The following HMGB1 variants were observed in gnomAD, a reference collection of about 807,000 sequenced individuals.
The protein encoded by HMGB1 is high mobility group protein B1.
For missense variants in HMGB1, 79 were observed against 253.5 expected (o/e 0.31, Z 4.67); for synonymous variants, 81 against 84.0 (o/e 0.96, Z 0.19).
At position 30,463,368 on chromosome 13, in the gene HMGB1, T is replaced by C; in HGVS notation, c.151-16A>G. 1 of 1,587,184 alleles carries C rather than the reference T, an allele frequency of 6.3e-7. No homozygotes were observed. Among genetic ancestry groups the C allele is most frequent in the Non-Finnish European group, 8.5e-7 (1 of 1,170,034 alleles). ...CAGACATGGTCTACAAAATAATTAT[T>C]TGTAAGTTTAAGTTGTAACATTTAA... On this transcript the variant is annotated splice_polypyrimidine_tract_variant and intron_variant, in intron 2 of 4. Transcript: ENST00000341423.
At chr13:30,593,362 A>G (rs1353591807) in intron 1 of HMGB1, among the ~76,000 whole-genome samples, 1 of 152,198 alleles carries the variant, frequency 6.6e-6, no homozygotes, top group African/African-American at 2.4e-5. Context: ...TCAGGATAAC[A>G]AGAATTTGGT....
chr13:30,478,871 C>CTTTTCT (rs527964313), intron 1 of HMGB1, among the ~76,000 whole-genome samples: 6 of 126,140 alleles, frequency 4.8e-5, no homozygotes, highest in Non-Finnish European at 6.7e-5. Flanking sequence ...CTTTTCTTTT[C>CTTTTCT]TTTTTTTTTT....
At chr13:30,600,759 G>GA (rs1446436523) in intron 1 of HMGB1, among the ~76,000 whole-genome samples, 4 of 152,078 alleles carry the variant, frequency 2.6e-5, no homozygotes, top group Non-Finnish European at 4.4e-5. Context: ...TTCAAAATCT[G>GA]AAAAAACCCA....
intron 1 of HMGB1, among the ~76,000 whole-genome samples, chr13:30,538,623 C>CTCTTTCTT (rs757892291): frequency 0.049 from 4,609 of 93,420 alleles, 335 homozygotes; most frequent in African/African-American, 0.14. Flanking sequence ...CTTTCTCTCT[C>CTCTTTCTT]TCTTTCTTTT....
chr13:30,615,199 T>G (rs990204954), intron 1 of HMGB1, among the ~76,000 whole-genome samples: 1 of 152,206 alleles, frequency 6.6e-6, no homozygotes, highest in African/African-American at 2.4e-5. Context: ...TACACGTATT[T>G]TTTTCTATCC....
intron 1 of HMGB1, among the ~76,000 whole-genome samples, chr13:30,616,230 CCTTTCTCTTTACAA>C (rs1230418105): frequency 6.6e-6 from 1 of 152,204 alleles, no homozygotes; most frequent in African/African-American, 2.4e-5. Context: ...AAAATCCCTT[CCTTTCTCTTTACAA>C]CTCAAGCCCC....
chr13:30,569,384 G>A (rs1203560810), intron 1 of HMGB1, among the ~76,000 whole-genome samples: 1 of 152,044 alleles, frequency 6.6e-6, no homozygotes, highest in Non-Finnish European at 1.5e-5. Flanking sequence ...GAATTTTTGT[G>A]GGCTAAGACA....
chr13:30,575,185 G>C (rs960374679), intron 1 of HMGB1, among the ~76,000 whole-genome samples: 1 of 152,144 alleles, frequency 6.6e-6, no homozygotes, highest in African/African-American at 2.4e-5. Flanking sequence ...TATGTAGTTA[G>C]TAAAAACAAG....
At chr13:30,596,962 T>C (rs1323472794) in intron 1 of HMGB1, among the ~76,000 whole-genome samples, 2 of 152,222 alleles carry the variant, frequency 1.3e-5, no homozygotes, top group Non-Finnish European at 2.9e-5. Flanking sequence ...GGTTAGTCAG[T>C]GGACCTACAT....
chr13:30,491,746 C>A (rs1385687453), intron 1 of HMGB1, among the ~76,000 whole-genome samples: 2 of 151,602 alleles, frequency 1.3e-5, no homozygotes, highest in Non-Finnish European at 1.5e-5. Flanking sequence ...GAATGCGAGA[C>A]CTAAGGGTAC....
intron 1 of HMGB1, among the ~76,000 whole-genome samples, chr13:30,505,710 T>C (rs1039552977): frequency 6.6e-6 from 1 of 152,084 alleles, no homozygotes; most frequent in Non-Finnish European, 1.5e-5. Context: ...ACAGGGCCCA[T>C]CCCGTTTCCA....
intron 1 of HMGB1, among the ~76,000 whole-genome samples, chr13:30,525,204 T>C (rs1323734293): frequency 6.6e-6 from 1 of 152,224 alleles, no homozygotes; most frequent in East Asian, 1.9e-4. Context: ...TCTGATCATT[T>C]AAAGATAAAT....
chr13:30,614,312 C>T (rs867753727), intron 1 of HMGB1, among the ~76,000 whole-genome samples: 11 of 152,152 alleles, frequency 7.2e-5, no homozygotes, highest in Admixed American at 1.3e-4. Context: ...GGATTACACC[C>T]TTAGTAGGAA....
At chr13:30,465,193 G>GGCA (rs1555232499) in intron 1 of HMGB1, 1 of 777,662 alleles carries the variant, frequency 1.3e-6, no homozygotes, top group African/African-American at 2.1e-5. Flanking sequence ...CCCGCCGCCC[G>GGCA]GCCGCCGCCG....
intron 1 of HMGB1, among the ~76,000 whole-genome samples, chr13:30,529,976 T>A (rs1032735450): frequency 6.6e-6 from 1 of 152,096 alleles, no homozygotes. Flanking sequence ...ATGGTGGCAA[T>A]AAAGAAATGA....
At chr13:30,536,768 CTTTT>C (rs1179763879) in intron 1 of HMGB1, among the ~76,000 whole-genome samples, 3 of 152,160 alleles carry the variant, frequency 2.0e-5, no homozygotes, top group Non-Finnish European at 4.4e-5. Flanking sequence ...TAGTAATTAT[CTTTT>C]TTGTTTCCAT....
chr13:30,520,511 T>G (rs1272077598), intron 1 of HMGB1, among the ~76,000 whole-genome samples: 1 of 151,816 alleles, frequency 6.6e-6, no homozygotes. Context: ...TCCCAGCTAC[T>G]TGGGTGGCTG....
intron 1 of HMGB1, among the ~76,000 whole-genome samples, chr13:30,535,061 G>C (rs564885252): frequency 3.9e-5 from 6 of 152,134 alleles, no homozygotes; most frequent in African/African-American, 1.2e-4. Flanking sequence ...TTCACAAGTC[G>C]GTATTAGATT....
intron 1 of HMGB1, among the ~76,000 whole-genome samples, chr13:30,578,547 A>G (rs1314579800): frequency 6.6e-6 from 1 of 151,932 alleles, no homozygotes; most frequent in Non-Finnish European, 1.5e-5. Context: ...AAGCAATGCA[A>G]AGGATTTCCT....
Sources: allele counts gnomAD v4.1 joint callset (sites outside exome capture counted in the v4.1 genomes callset), GRCh38; gene constraint gnomAD v4.1.1; transcripts MANE v1.5; gene names NCBI Gene and HGNC (gene_info 2026-07-23, HGNC 2026-07-21).